KLF13: variants seen among roughly 807,000 people sequenced by gnomAD.
KLF13 encodes KLF transcription factor 13.
KLF13 carries 8 observed loss-of-function variants against 16.7 expected under a neutral mutation model. The observed-to-expected ratio is 0.48, with a 90% CI of 0.28 to 0.87. The LOEUF (loss-of-function observed/expected upper bound fraction) is 0.87. Among genes scored for constraint, KLF13 ranks in the 40% least tolerant of loss-of-function variants. The probability of loss-of-function intolerance (pLI) is 0.10; values close to 1 mark genes in which losing one functional copy is unlikely to be tolerated. For missense variants in KLF13, 447 were observed against 452.2 expected, an observed-to-expected ratio of 0.99 and a Z score of 0.10; for synonymous variants, 245 against 208.4, an observed-to-expected ratio of 1.18 and a Z score of -1.51.
At chr15:31,388,081 A>G (rs1239855988), upstream of KLF13, among the ~76,000 whole-genome samples, 1 of 152,246 alleles carries the variant, frequency 6.6e-6, no homozygotes, top group Non-Finnish European at 1.5e-5. Context: ...GCCACGAGTC[A>G]GGAAGGAGTC....
Position 31,327,185 on chromosome 15 carries a change from A to G in KLF13, c.-28A>G. 2.3e-6 allele frequency: 3 copies of G among 1,291,146 alleles called. No homozygotes were observed. Among genetic ancestry groups the G allele is most frequent in the Non-Finnish European group, 2.9e-6 (3 of 1,020,782 alleles). 80.0% of individuals were successfully genotyped at this position (1,291,146 alleles called of 1,614,324 possible). On this transcript the variant is annotated 5_prime_UTR_variant, in exon 1 of 2. Transcript: ENST00000307145. The stretch of plus-strand genomic sequence containing the variant: ...TGCGCGGCTGACGACTCGCAGCAAG[A>G]GCACCGCCGCCGGCCCCAGCCCGCA...
exon 3 of KLF13, chr15:31,403,820 T>C (rs2040075348): frequency 6.6e-6 from 1 of 152,250 alleles, no homozygotes; most frequent in African/African-American, 2.4e-5. Flanking sequence ...CCTAACTGAT[T>C]CACCACCCTC....
At chr15:31,347,634 C>T (rs927827377) in intron 1 of KLF13, among the ~76,000 whole-genome samples, 2 of 152,138 alleles carry the variant, frequency 1.3e-5, no homozygotes, top group African/African-American at 2.4e-5. Flanking sequence ...GGGAGAGAGG[C>T]GGGGCAGTGT....
intron 1 of KLF13, among the ~76,000 whole-genome samples, chr15:31,346,412 AC>A (rs981193764): frequency 6.7e-6 from 1 of 149,626 alleles, no homozygotes; most frequent in African/African-American, 2.5e-5. Context: ...AGTATGATGG[AC>A]CCCCCACCGC....
chr15:31,370,074 G>A (rs1358382773), intron 1 of KLF13, among the ~76,000 whole-genome samples: 1 of 94,432 alleles, frequency 1.1e-5, no homozygotes, highest in African/African-American at 4.4e-5. Context: ...TTTACTCTTT[G>A]ACAGAGACTG....
chr15:31,340,148 C>T (rs536312698), intron 1 of KLF13, among the ~76,000 whole-genome samples: 6 of 152,350 alleles, frequency 3.9e-5, no homozygotes, highest in African/African-American at 7.2e-5. Flanking sequence ...TCCCTTCTCA[C>T]GACTGAGGCA....
At chr15:31,357,415 G>C (rs754738301) in intron 1 of KLF13, among the ~76,000 whole-genome samples, 2 of 152,204 alleles carry the variant, frequency 1.3e-5, no homozygotes, top group East Asian at 1.9e-4. Context: ...AGAGAGCCTC[G>C]AGCTGCGTGG....
chr15:31,361,548 C>G (rs190817076), intron 1 of KLF13, among the ~76,000 whole-genome samples: 2 of 152,158 alleles, frequency 1.3e-5, no homozygotes, highest in African/African-American at 4.8e-5. Context: ...CAAGGTCCCC[C>G]CCAGGAGACA....
downstream of KLF13, among the ~76,000 whole-genome samples, chr15:31,408,081 T>C (rs1246080345): frequency 6.6e-6 from 1 of 152,120 alleles, no homozygotes; most frequent in Non-Finnish European, 1.5e-5. Context: ...AGAAGAACTA[T>C]CTCTGTTTGC....
At chr15:31,418,005 G>C (rs1484457060) in intron 1 of KLF13, among the ~76,000 whole-genome samples, 4 of 152,104 alleles carry the variant, frequency 2.6e-5, no homozygotes, top group Non-Finnish European at 5.9e-5. Context: ...CAGGGAGCTT[G>C]TGAATAAGAG....
intron 1 of KLF13, among the ~76,000 whole-genome samples, chr15:31,356,279 C>T (rs984053344): frequency 3.9e-5 from 6 of 152,118 alleles, no homozygotes; most frequent in Admixed American, 1.3e-4. Context: ...ACTGGCCGGG[C>T]GCGGTGGCTC....
At chr15:31,329,066 T>A (rs888808298) in intron 1 of KLF13, among the ~76,000 whole-genome samples, 3 of 152,162 alleles carry the variant, frequency 2.0e-5, no homozygotes, top group African/African-American at 7.2e-5. Flanking sequence ...GGTCTGCAGG[T>A]GAGGCTTTCA....
At chr15:31,348,091 C>T (rs1305756348) in intron 1 of KLF13, among the ~76,000 whole-genome samples, 1 of 152,234 alleles carries the variant, frequency 6.6e-6, no homozygotes, top group East Asian at 1.9e-4. Context: ...CCTCGAACCC[C>T]AGGTGTTCTT....
At chr15:31,428,820 A>AAAAGAAAG (rs1555383800) in intron 1 of KLF13, among the ~76,000 whole-genome samples, 2 of 72,650 alleles carry the variant, frequency 2.8e-5, no homozygotes, top group Non-Finnish European at 4.6e-5. Context: ...AAAAAAAAAA[A>AAAAGAAAG]AAAAAGAAAA....
At chr15:31,328,082 G>C (rs2038752727) in intron 1 of KLF13, among the ~76,000 whole-genome samples, 1 of 144,488 alleles carries the variant, frequency 6.9e-6, no homozygotes. Context: ...CATCTGGGCT[G>C]GGGGCGGGGA....
At chr15:31,406,693 T>G (rs1247950955), downstream of KLF13, among the ~76,000 whole-genome samples, 1 of 152,220 alleles carries the variant, frequency 6.6e-6, no homozygotes, top group Non-Finnish European at 1.5e-5. Context: ...GCATTCCTTC[T>G]GGAGGCTCTA....
intron 1 of KLF13, among the ~76,000 whole-genome samples, chr15:31,386,544 A>G (rs955975219): frequency 6.6e-5 from 10 of 152,230 alleles, no homozygotes; most frequent in African/African-American, 2.4e-4. Context: ...TCCACAACAT[A>G]AAAGTGCAAG....
At chr15:31,435,029 G>C (rs1012140393) in intron 1 of KLF13, among the ~76,000 whole-genome samples, 1 of 152,194 alleles carries the variant, frequency 6.6e-6, no homozygotes, top group Non-Finnish European at 1.5e-5. Context: ...TTGAGCCGTC[G>C]CAGCTCAGCC....
chr15:31,415,124 G>A (rs1203340104), intron 1 of KLF13, among the ~76,000 whole-genome samples: 2 of 152,014 alleles, frequency 1.3e-5, no homozygotes, highest in African/African-American at 2.4e-5. Flanking sequence ...CTCTGTACAC[G>A]TCCGCTCCCC....
Sources: allele counts gnomAD v4.1 joint callset (sites outside exome capture counted in the v4.1 genomes callset), GRCh38; gene constraint gnomAD v4.1.1; transcripts MANE v1.5; gene names NCBI Gene and HGNC (gene_info 2026-07-23, HGNC 2026-07-21).